The following PPP4R1 variants were observed in gnomAD, a reference collection of about 807,000 sequenced individuals.
PPP4R1 encodes the protein serine/threonine-protein phosphatase 4 regulatory subunit 1.
In PPP4R1, 42 loss-of-function variants were observed where a neutral mutation model predicts 111.2. That is an observed-to-expected ratio of 0.38 (90% confidence interval 0.29 to 0.49). The LOEUF is 0.49. PPP4R1 is among the 20% of genes least tolerant of loss of function. The pLI, the probability that PPP4R1 is intolerant of heterozygous loss-of-function variation, is 0.97. For synonymous variants in PPP4R1, 409 were observed against 405.5 expected (o/e 1.01, Z -0.10); for missense variants, 1,012 against 1,161.6 (o/e 0.87, Z 1.87).
chr18:9,593,734 T>C (rs376103856), intron 4 of PPP4R1, 34 bp downstream of exon 4: 143 of 1,576,968 alleles, frequency 9.1e-5, no homozygotes, highest in Non-Finnish European at 9.6e-5. Context: ...GAAGCCTTTC[T>C]AGAATAGAGT....
intron 2 of PPP4R1, among the ~76,000 whole-genome samples, chr18:9,610,538 C>A (rs1050332511): frequency 1.3e-5 from 2 of 152,126 alleles, no homozygotes; most frequent in Non-Finnish European, 2.9e-5. Context: ...TCTTGGCTCA[C>A]TGCAACCTCT....
intron 10 of PPP4R1, among the ~76,000 whole-genome samples, chr18:9,573,220 A>G (rs1446217072): frequency 6.6e-6 from 1 of 152,230 alleles, no homozygotes; most frequent in Non-Finnish European, 1.5e-5. Flanking sequence ...AAAATTCAAT[A>G]AAGGCTAGAT....
intron 2 of PPP4R1, among the ~76,000 whole-genome samples, chr18:9,603,094 GTT>G (rs1410859847): frequency 6.8e-6 from 1 of 146,818 alleles, no homozygotes; most frequent in Non-Finnish European, 1.5e-5. Context: ...GTTTCCAACT[GTT>G]TTTGTTTTCA....
intron 16 of PPP4R1, among the ~76,000 whole-genome samples, chr18:9,553,023 A>T (rs1004673823): frequency 2.0e-5 from 3 of 152,246 alleles, no homozygotes; most frequent in Non-Finnish European, 4.4e-5. Context: ...AGAACTAGAT[A>T]GAGGGAATGG....
In PPP4R1 at chr18:9,595,250, CA is replaced by C. The variant is rs60279081; in HGVS notation, c.53-98del. ...GTACAAATCTGTTTCTGGAATGGTACAAAAAAAAAATCACAAGAGACTCTCA... is the reference window on the plus strand; with the variant it reads ...GTACAAATCTGTTTCTGGAATGGTACAAAAAAAAATCACAAGAGACTCTCA... On this transcript the variant is annotated intron_variant, in intron 2 of 19. Coordinates refer to ENST00000400556, the MANE Select transcript of PPP4R1 (RefSeq NM_001042388.3). 6,849 of 1,078,286 alleles carry C rather than the reference CA, an allele frequency of 6.4e-3. 24 individuals carry two copies. Among genetic ancestry groups the C allele is most frequent in the African/African-American group, 0.024 (1,476 of 60,496 alleles). The allele number at this position is 1,078,286 out of a possible 1,614,324, so 66.8% of individuals were successfully genotyped here.
chr18:9,568,476 GA>G (rs1275429207), intron 11 of PPP4R1, among the ~76,000 whole-genome samples: 1 of 152,168 alleles, frequency 6.6e-6, no homozygotes, highest in Non-Finnish European at 1.5e-5. Context: ...ACAGTACAAA[GA>G]GTATTAGATA....
At chr18:9,593,565 T>A (rs1345504633) in intron 4 of PPP4R1, among the ~76,000 whole-genome samples, 1 of 152,318 alleles carries the variant, frequency 6.6e-6, no homozygotes, top group East Asian at 1.9e-4. Flanking sequence ...ATTTCTAAAA[T>A]TAAACTAAAT....
intron 9 of PPP4R1, among the ~76,000 whole-genome samples, chr18:9,581,252 TA>T (rs35508273): frequency 1.3e-5 from 2 of 151,536 alleles, no homozygotes; most frequent in African/African-American, 4.8e-5. Flanking sequence ...ATTTCAGACT[TA>T]AAAAAAGACT....
chr18:9,603,560 T>G (rs2067428155), intron 2 of PPP4R1, among the ~76,000 whole-genome samples: 2 of 152,208 alleles, frequency 1.3e-5, no homozygotes, highest in African/African-American at 4.8e-5. Context: ...CATGGATCAC[T>G]GCAGCCTTGA....
intron 11 of PPP4R1, among the ~76,000 whole-genome samples, chr18:9,566,643 G>A (rs1269634357): frequency 7.8e-6 from 1 of 128,164 alleles, no homozygotes; most frequent in Non-Finnish European, 1.6e-5. Context: ...GGAGTGAGGC[G>A]CTGTGACACA....
Position 9,593,976 on chromosome 18 carries a change from G to A in PPP4R1, c.189-102C>T, listed in dbSNP as rs1189297959. The A allele has an allele frequency of 3.0e-5, 26 of 855,568 alleles. No individual in the cohort carries two copies. In the East Asian group the frequency reaches 4.5e-4, roughly 15 times the overall value. 53.0% of individuals were successfully genotyped at this position (855,568 alleles called of 1,614,324 possible). ...GGGCCTCATTCCTGTTGCCCAGGCC[G>A]GAGTGTAATGGTGTGATCACGGCTA... On this transcript the variant is annotated intron_variant, in intron 3 of 19. Coordinates refer to ENST00000400556, the MANE Select transcript of PPP4R1 (RefSeq NM_001042388.3).
At chr18:9,579,542 G>GTC (rs2066992224) in intron 9 of PPP4R1, among the ~76,000 whole-genome samples, 1 of 151,764 alleles carries the variant, frequency 6.6e-6, no homozygotes. Context: ...GTGTGTGTGT[G>GTC]TGTGTAAAAT....
At chr18:9,575,779 G>A (rs977054821) in intron 10 of PPP4R1, among the ~76,000 whole-genome samples, 4 of 152,110 alleles carry the variant, frequency 2.6e-5, no homozygotes, top group African/African-American at 4.8e-5. Context: ...TGCAAAGGCC[G>A]AGTGAGTAGT....
intron 6 of PPP4R1, 24 bp downstream of exon 6, chr18:9,588,065 G>A (rs1598937277): frequency 1.9e-6 from 3 of 1,613,156 alleles, no homozygotes; most frequent in Non-Finnish European, 1.7e-6. Context: ...TTTTGCATAA[G>A]TGGAAAAATG....
chr18:9,600,598 G>A (rs997288161), intron 2 of PPP4R1, among the ~76,000 whole-genome samples: 1 of 152,348 alleles, frequency 6.6e-6, no homozygotes, highest in South Asian at 2.1e-4. Flanking sequence ...TGGAGGCCGG[G>A]TGTGGTGGCT....
chr18:9,571,779 T>G (rs935251669), intron 10 of PPP4R1, among the ~76,000 whole-genome samples: 1 of 152,050 alleles, frequency 6.6e-6, no homozygotes, highest in African/African-American at 2.4e-5. Context: ...AATGAGGAAA[T>G]GATGGATGAC....
intron 14 of PPP4R1, 81 bp downstream of exon 14, chr18:9,559,338 A>G (rs1304229983): frequency 6.9e-6 from 9 of 1,309,820 alleles, no homozygotes; most frequent in Non-Finnish European, 8.2e-6. Flanking sequence ...GAACATGAAC[A>G]GAAATTCTTT....
intron 2 of PPP4R1, among the ~76,000 whole-genome samples, chr18:9,595,784 T>C (rs751228067): frequency 6.6e-6 from 1 of 152,092 alleles, no homozygotes; most frequent in Non-Finnish European, 1.5e-5. Context: ...CCATTCAAGC[T>C]GCAGGAGAAG....
Position 9,614,236 on chromosome 18 carries a change from G to C in PPP4R1, c.42C>G (p.Asp14Glu). The change falls in exon 2 of 20, where the codon GAC (aspartate) becomes GAG (glutamate). Residue 14 changes from aspartate (D) to glutamate (E), a missense_variant. By Grantham distance (45) the Asp-to-Glu change is conservative. This residue lies in a region of PPP4R1 where 707 missense variants were observed against 742.1 expected (regional missense o/e 0.95). Coordinates refer to ENST00000400556, the MANE Select transcript of PPP4R1 (RefSeq NM_001042388.3). The surrounding 1 kb of genome is among the most constrained non-coding windows in gnomAD (Gnocchi z 4.1). ...GGCCGGGCCACTCACATCCGTCTGC[G>C]TCCTCCTGCAGGTCCTCCTGAAGCA... ...LSLLQEDLQEDADGFGVDDYS... is the reference protein window; with the variant it reads ...LSLLQEDLQEEADGFGVDDYS... 1 of 1,365,966 alleles carries C rather than the reference G, an allele frequency of 7.3e-7. No homozygotes were observed. The highest frequency in any genetic ancestry group is 9.6e-7 in the Non-Finnish European group (1 of 1,046,688). 84.6% of individuals were successfully genotyped at this position (1,365,966 alleles called of 1,614,324 possible).
Sources: gnomAD v4.1 joint callset for allele counts (sites outside exome capture counted in the v4.1 genomes callset) on GRCh38, gnomAD v4.1.1 for gene constraint, gnomAD v4.1.1 regional missense constraint, Gnocchi (gnomAD v3.1) non-coding constraint, MANE v1.5 for transcripts, NCBI Gene and HGNC (gene_info 2026-07-23, HGNC 2026-07-21) for gene names.